Variants in COL13A1 observed in about 807,000 individuals in gnomAD.
The protein encoded by COL13A1 is collagen type XIII alpha 1 chain.
In COL13A1, 89 loss-of-function variants were observed where a neutral mutation model predicts 130.9. The observed-to-expected ratio is 0.68, with a 90% CI of 0.57 to 0.81. COL13A1 has a LOEUF of 0.81. Ranked by LOEUF, COL13A1 falls within the 30% of genes least tolerant of loss-of-function variation. COL13A1 has a pLI of 0.00. For missense variants in COL13A1, 879 were observed against 934.6 expected, an observed-to-expected ratio of 0.94 and a Z score of 0.78; for synonymous variants, 402 against 341.6, an observed-to-expected ratio of 1.18 and a Z score of -1.95.
intron 2 of COL13A1, among the ~76,000 whole-genome samples, chr10:69,842,693 G>C (rs1024543879): frequency 6.6e-6 from 1 of 152,218 alleles, no homozygotes; most frequent in Non-Finnish European, 1.5e-5. Flanking sequence ...CAGTAGCCAG[G>C]ACAGGCTGTG....
At chr10:69,925,217 G>C (rs2065193815) in intron 25 of COL13A1, among the ~76,000 whole-genome samples, 1 of 152,184 alleles carries the variant, frequency 6.6e-6, no homozygotes, top group Non-Finnish European at 1.5e-5. Flanking sequence ...AAGAGGAAGG[G>C]TATGGTAATC....
rs571029781 is a variant in COL13A1 at position 69,917,040 on chromosome 10, A to G, written c.922-249A>G. 2.0e-5 allele frequency among the ~76,000 whole-genome samples: 3 copies of G among 152,246 alleles called. No individual in the cohort carries two copies. The South Asian group carries it at 6.2e-4, about 32-fold the overall frequency. Reference sequence around the variant, plus strand: ...CAGTCACTTCTCTTGCTGAACTTGCATTCCACTAGGTAAGCCTCTCTGTCT... The same window carrying G: ...CAGTCACTTCTCTTGCTGAACTTGCGTTCCACTAGGTAAGCCTCTCTGTCT... On this transcript the variant is annotated intron_variant, in intron 17 of 40. Coordinates refer to ENST00000645393, the MANE Select transcript of COL13A1 (RefSeq NM_001368882.1).
intron 16 of COL13A1, 58 bp downstream of exon 16, chr10:69,905,017 G>C: frequency 6.5e-7 from 1 of 1,539,140 alleles, no homozygotes; most frequent in Non-Finnish European, 8.8e-7. Context: ...GCAGGAGGGA[G>C]GGGGAGGCAG....
At chr10:69,835,171 G>A (rs1312293007) in intron 2 of COL13A1, among the ~76,000 whole-genome samples, 2 of 152,136 alleles carry the variant, frequency 1.3e-5, no homozygotes, top group Non-Finnish European at 1.5e-5. Context: ...TGAGCTCCCT[G>A]CCCTAGACCC....
At chr10:69,821,348 G>C (rs746666894) in intron 1 of COL13A1, among the ~76,000 whole-genome samples, 1 of 152,224 alleles carries the variant, frequency 6.6e-6, no homozygotes, top group Non-Finnish European at 1.5e-5. Context: ...GAGCATCACA[G>C]TGTGGGTTTG....
rs556675335 is a variant in COL13A1, at chr10:69,942,236, C to T, written c.1914+1213C>T. Among the ~76,000 whole-genome samples the T allele has an allele frequency of 1.4e-4, 21 of 152,284 alleles. No individual in the cohort carries two copies. In the South Asian group the frequency reaches 4.4e-3, roughly 32 times the overall value. On this transcript the variant is annotated intron_variant, in intron 35 of 40. Transcript: ENST00000645393. Reference sequence around the variant, plus strand: ...TAAATAGGAGATGACATGGCTTGCCCAAGATGACAGACTTCTTCAGAGCCC... The same window carrying T: ...TAAATAGGAGATGACATGGCTTGCCTAAGATGACAGACTTCTTCAGAGCCC...
At chr10:69,876,692 C>T (rs904914521) in intron 5 of COL13A1, among the ~76,000 whole-genome samples, 1 of 152,172 alleles carries the variant, frequency 6.6e-6, no homozygotes, top group Non-Finnish European at 1.5e-5. Context: ...CAAGGGCCTG[C>T]GCATGTGGAC....
At chr10:69,901,839 C>G (rs757491226) in intron 14 of COL13A1, among the ~76,000 whole-genome samples, 1 of 152,184 alleles carries the variant, frequency 6.6e-6, no homozygotes, top group Non-Finnish European at 1.5e-5. Context: ...CAGTCCATCC[C>G]GTGGACAGGC....
intron 1 of COL13A1, among the ~76,000 whole-genome samples, chr10:69,820,118 C>A (rs1234246201): frequency 6.6e-6 from 1 of 152,236 alleles, no homozygotes; most frequent in African/African-American, 2.4e-5. Context: ...AAAAAAACCA[C>A]CTTCCATCAT....
intron 2 of COL13A1, among the ~76,000 whole-genome samples, chr10:69,859,316 CA>C (rs1408055526): frequency 2.6e-5 from 4 of 152,162 alleles, no homozygotes; most frequent in African/African-American, 9.7e-5. Flanking sequence ...ACTTTAAAAT[CA>C]AAAAGCTCAT....
At chr10:69,943,340 T>C (rs1270212720) in intron 35 of COL13A1, among the ~76,000 whole-genome samples, 1 of 152,142 alleles carries the variant, frequency 6.6e-6, no homozygotes, top group East Asian at 1.9e-4. Flanking sequence ...CCTGTCCTCA[T>C]CTGAGGCCAA....
intron 36 of COL13A1, 115 bp downstream of exon 36, chr10:69,944,293 TC>T: frequency 1.1e-6 from 1 of 890,690 alleles, no homozygotes; most frequent in Non-Finnish European, 1.8e-6. Flanking sequence ...CTCCTGGTCA[TC>T]CTCACAGCAG....
At chr10:69,898,464 A>G (rs1052575519) in intron 13 of COL13A1, among the ~76,000 whole-genome samples, 2 of 152,158 alleles carry the variant, frequency 1.3e-5, no homozygotes, top group Non-Finnish European at 2.9e-5. Context: ...AACTCCTCCT[A>G]AGGGACGGCT....
At chr10:69,930,952 C>T (rs997392653) in intron 30 of COL13A1, among the ~76,000 whole-genome samples, 9 of 152,228 alleles carry the variant, frequency 5.9e-5, no homozygotes, top group African/African-American at 2.2e-4. Flanking sequence ...GCTGCATGTA[C>T]AGAAACGGGG....
At position 69,951,355 on chromosome 10, in the gene COL13A1, A is replaced by G. The variant is rs547077755; in HGVS notation, c.2059-1527A>G. Among the ~76,000 whole-genome samples the G allele has an allele frequency of 1.1e-3, 171 of 152,282 alleles. 2 individuals carry two copies. Among genetic ancestry groups the G allele is most frequent in the African/African-American group, 2.9e-3 (122 of 41,568 alleles). On this transcript the variant is annotated intron_variant, in intron 38 of 40. Coordinates refer to ENST00000645393, the MANE Select transcript of COL13A1 (RefSeq NM_001368882.1). ...CATTATTAAGCATTTAATGTGCACA[A>G]AGAACTCACAACATTTTTTTTTCAG...
intron 14 of COL13A1, among the ~76,000 whole-genome samples, chr10:69,899,643 CCTT>C (rs751350956): frequency 1.3e-4 from 20 of 152,202 alleles, no homozygotes; most frequent in African/African-American, 4.6e-4. Flanking sequence ...GCAAGTGCTT[CCTT>C]CTTCTTCCTG....
chr10:69,819,534 A>G (rs1353433308), intron 1 of COL13A1, among the ~76,000 whole-genome samples: 3 of 152,132 alleles, frequency 2.0e-5, no homozygotes, highest in Non-Finnish European at 4.4e-5. Flanking sequence ...GTCCAATTTG[A>G]GGCAGAGGGG....
intron 1 of COL13A1, among the ~76,000 whole-genome samples, chr10:69,806,123 G>C (rs1392886159): frequency 6.6e-6 from 1 of 152,248 alleles, no homozygotes; most frequent in East Asian, 1.9e-4. Flanking sequence ...ATCACCAAAG[G>C]CCATGCACAA....
intron 1 of COL13A1, among the ~76,000 whole-genome samples, chr10:69,807,180 A>C (rs1056618009): frequency 5.3e-5 from 8 of 152,178 alleles, no homozygotes; most frequent in African/African-American, 1.9e-4. Flanking sequence ...TATAGGGTGC[A>C]TACAGGGGCC....
Sources: gnomAD v4.1 joint callset for allele counts (sites outside exome capture counted in the v4.1 genomes callset) on GRCh38, gnomAD v4.1.1 for gene constraint, MANE v1.5 for transcripts, NCBI Gene and HGNC (gene_info 2026-07-23, HGNC 2026-07-21) for gene names.